CHURC1: variants seen among roughly 807,000 people sequenced by gnomAD.
CHURC1 encodes the protein protein Churchill.
A neutral mutation model predicts 15.4 loss-of-function variants in CHURC1; 12 were observed. The ratio of observed to expected loss-of-function variants is 0.78; its 90% confidence interval spans 0.50 to 1.27. The LOEUF is 1.27. Among genes scored for constraint, CHURC1 ranks in the 50% most tolerant of loss-of-function variants. CHURC1 has a pLI of 0.00. For missense variants in CHURC1, 132 were observed against 137.8 expected (o/e 0.96, Z 0.21); for synonymous variants, 42 against 47.5 (o/e 0.88, Z 0.48).
At chr14:64,918,155 A>T (rs1408580921) in intron 1 of CHURC1, among the ~76,000 whole-genome samples, 1 of 152,252 alleles carries the variant, frequency 6.6e-6, no homozygotes, top group African/African-American at 2.4e-5. Flanking sequence ...TTGGAAAACC[A>T]GGAGAGTGCC....
chr14:64,929,773 G>A (rs1036647278), intron 3 of CHURC1, among the ~76,000 whole-genome samples: 1 of 152,072 alleles, frequency 6.6e-6, no homozygotes, highest in African/African-American at 2.4e-5. Context: ...TGAAAGATAA[G>A]TATTCTGTTT....
In CHURC1 at chr14:64,933,013, T is replaced by C. The variant is rs779437617; in HGVS notation, c.*783T>C. 2 of 152,282 alleles carry C rather than the reference T, an allele frequency of 1.3e-5. No homozygotes were observed. The highest frequency in any genetic ancestry group is 2.9e-5 in the Non-Finnish European group (2 of 68,100). 9.4% of individuals were successfully genotyped at this position (152,282 alleles called of 1,614,324 possible). The stretch of plus-strand genomic sequence containing the variant: ...TCCATGATAAGCCCTTTTGATAGCA[T>C]GTATCCTTGATAGCATCACATCATA... On this transcript the variant is annotated 3_prime_UTR_variant, in exon 4 of 4. Coordinates refer to ENST00000549115, the MANE Select transcript of CHURC1 (RefSeq NM_001386928.1).
rs749732606 is a variant in CHURC1, at chr14:64,932,162, T to A, written c.271T>A (p.Cys91Ser). The part of the protein sequence containing the change: ...FQEYTMLCLL[C>S]GKAEDTISIL... ...GGAGTATACCATGCTGTGTCTGTTATGCGGCAAAGCCGAAGATACTATCAG... is the reference window on the plus strand; with the variant it reads ...GGAGTATACCATGCTGTGTCTGTTAAGCGGCAAAGCCGAAGATACTATCAG... The change falls in exon 4 of 4, where the codon TGC (cysteine) becomes AGC (serine). Residue 91 changes from cysteine (C) to serine (S), a missense_variant. Cys to Ser is a moderately radical substitution (Grantham distance 112). Coordinates refer to ENST00000549115, the MANE Select transcript of CHURC1 (RefSeq NM_001386928.1). 11 of 1,614,066 alleles carry A rather than the reference T, an allele frequency of 6.8e-6. No homozygotes were observed. The highest frequency in any genetic ancestry group is 9.3e-6 in the Non-Finnish European group (11 of 1,179,922).
intron 1 of CHURC1, among the ~76,000 whole-genome samples, chr14:64,920,182 ACT>A (rs763645128): frequency 2.0e-5 from 3 of 152,024 alleles, no homozygotes; most frequent in Non-Finnish European, 4.4e-5. Flanking sequence ...TTTATAACAT[ACT>A]CTCATATTAA....
intron 1 of CHURC1, among the ~76,000 whole-genome samples, chr14:64,918,619 G>A (rs1377204966): frequency 6.6e-6 from 1 of 152,166 alleles, no homozygotes; most frequent in Non-Finnish European, 1.5e-5. Context: ...CTTGAACCCA[G>A]GAGTTTGAGA....
rs45599336 is a variant in CHURC1, at chr14:64,933,565, A to C, written c.*1335A>C. 0.018 allele frequency: 17,710 copies of C among 974,874 alleles called. 400 individuals carry two copies. The highest frequency in any genetic ancestry group is 0.096 in the African/African-American group (5,459 of 57,076). 60.4% of individuals were successfully genotyped at this position (974,874 alleles called of 1,614,324 possible). A position where few individuals can be genotyped will look rare whatever the true frequency, so the allele number is the denominator to read the frequency against. On this transcript the variant is annotated 3_prime_UTR_variant, in exon 4 of 4. Coordinates refer to ENST00000549115, the MANE Select transcript of CHURC1 (RefSeq NM_001386928.1). ...GGACTAACAAAAATTGATATAATAC[A>C]TTCATCACAGTATTGTTAGGAGATT... is the stretch of plus-strand genomic sequence containing the variant.
Position 64,924,081 on chromosome 14 carries a change from A to G in CHURC1, c.130A>G (p.Lys44Glu). 6.2e-7 allele frequency: 1 copy of G among 1,608,004 alleles called. No homozygotes were observed. Residue 44 changes from lysine (K) to glutamate (E), a missense_variant, in exon 2 of 4, where the codon AAA (lysine) becomes GAA (glutamate). Transcript: ENST00000549115. ...GCGGGATTTTATGCTGATCACAAAC[A>G]AATCCTTGAAAGAAGAAGATGGAGA... ...SKRDFMLITN[K>E]SLKEEDGEEI...
intron 3 of CHURC1, among the ~76,000 whole-genome samples, chr14:64,929,239 T>C (rs1884935811): frequency 1.3e-5 from 2 of 152,228 alleles, no homozygotes. Context: ...TCCATATTGC[T>C]GTCCATATTC....
At chr14:64,930,907 G>A (rs1054951532) in intron 3 of CHURC1, 8 of 448,836 alleles carry the variant, frequency 1.8e-5, no homozygotes, top group African/African-American at 1.6e-4. Flanking sequence ...AATTCATAAA[G>A]CCATCTTTCC....
chr14:64,931,537 A>C (rs1885076387), intron 3 of CHURC1, among the ~76,000 whole-genome samples: 1 of 152,124 alleles, frequency 6.6e-6, no homozygotes, highest in African/African-American at 2.4e-5. Context: ...GTGTCTAAAA[A>C]AAAAAAGAAA....
At chr14:64,929,250 A>C (rs1188153989) in intron 3 of CHURC1, among the ~76,000 whole-genome samples, 4 of 152,070 alleles carry the variant, frequency 2.6e-5, no homozygotes, top group African/African-American at 7.2e-5. Flanking sequence ...GTCCATATTC[A>C]TGCCTTTTCC....
At chr14:64,927,351 C>T (rs962921718) in intron 3 of CHURC1, among the ~76,000 whole-genome samples, 4 of 152,138 alleles carry the variant, frequency 2.6e-5, no homozygotes, top group Non-Finnish European at 5.9e-5. Flanking sequence ...GTAGTGGCCG[C>T]ATAGGGAGAT....
intron 1 of CHURC1, among the ~76,000 whole-genome samples, chr14:64,919,020 A>T (rs1884088114): frequency 6.6e-6 from 1 of 152,236 alleles, no homozygotes; most frequent in Non-Finnish European, 1.5e-5. Context: ...TATACTGTTA[A>T]CACTGAGAAT....
chr14:64,916,361 T>G (rs1883880007), intron 1 of CHURC1, among the ~76,000 whole-genome samples: 1 of 152,222 alleles, frequency 6.6e-6, no homozygotes, highest in Non-Finnish European at 1.5e-5. Context: ...AGCAGTGTTT[T>G]ATTTCTTGAT....
chr14:64,920,920 G>C (rs941049354), intron 1 of CHURC1, among the ~76,000 whole-genome samples: 3 of 152,088 alleles, frequency 2.0e-5, no homozygotes, highest in South Asian at 2.1e-4. Flanking sequence ...ACCAAGAATA[G>C]CCAGATTATA....
Position 64,933,499 on chromosome 14 carries a change from A to T in CHURC1, c.*1269A>T. ...TTAGTAGCAGTATAGTCATTAAGCAAAGCATTACTCTGGACTTTATTGTCC... is the reference window on the plus strand; with the variant it reads ...TTAGTAGCAGTATAGTCATTAAGCATAGCATTACTCTGGACTTTATTGTCC... On this transcript the variant is annotated 3_prime_UTR_variant, in exon 4 of 4. Transcript: ENST00000549115. 5.1e-6 allele frequency: 5 copies of T among 984,622 alleles called. No individual in the cohort carries two copies. The highest frequency in any genetic ancestry group is 6.0e-6 in the Non-Finnish European group (5 of 829,166). 61.0% of individuals were successfully genotyped at this position (984,622 alleles called of 1,614,324 possible). A position where few individuals can be genotyped will look rare whatever the true frequency, so the allele number is the denominator to read the frequency against.
Position 64,934,979 on chromosome 14 carries a change from A to C in CHURC1, c.*2749A>C, listed in dbSNP as rs1885260536. 1.0e-6 allele frequency: 1 copy of C among 984,116 alleles called. No individual in the cohort carries two copies. Among genetic ancestry groups the C allele is most frequent in the African/African-American group, 1.7e-5 (1 of 57,146 alleles). 61.0% of individuals were successfully genotyped at this position (984,116 alleles called of 1,614,324 possible). On this transcript the variant is annotated 3_prime_UTR_variant, in exon 4 of 4. Transcript: ENST00000549115. ...AGATTCTTATGTGGATCTAATAACG[A>C]CCACTTGAACCCAGTTTCACAGAAT...
intron 3 of CHURC1, among the ~76,000 whole-genome samples, chr14:64,929,218 G>T (rs1056683581): frequency 6.6e-5 from 10 of 152,204 alleles, no homozygotes; most frequent in African/African-American, 1.9e-4. Flanking sequence ...TAAGCGATGC[G>T]CATGCTCTTT....
At position 64,932,262 on chromosome 14, in the gene CHURC1, T is replaced by C. The variant is rs1291460911; in HGVS notation, c.*32T>C. 1.2e-6 allele frequency: 2 copies of C among 1,609,402 alleles called. No individual in the cohort carries two copies. The highest frequency in any genetic ancestry group is 1.7e-6 in the Non-Finnish European group (2 of 1,177,440). The stretch of plus-strand genomic sequence containing the variant: ...TTCTACAGATCTGTTATAACTATAT[T>C]GTGTTGGTTTACAATACAGCAAGCC... On this transcript the variant is annotated 3_prime_UTR_variant, in exon 4 of 4. Coordinates refer to ENST00000549115, the MANE Select transcript of CHURC1 (RefSeq NM_001386928.1).
Sources: allele counts gnomAD v4.1 joint callset (sites outside exome capture counted in the v4.1 genomes callset), GRCh38; gene constraint gnomAD v4.1.1; transcripts MANE v1.5; gene names NCBI Gene and HGNC (gene_info 2026-07-23, HGNC 2026-07-21).